Variants in NLRP11 observed in about 807,000 individuals in gnomAD.
NLRP11 encodes the protein NLR family pyrin domain containing 11, also known as NACHT, LRR and PYD domains-containing protein 11.
A neutral mutation model predicts 79.3 loss-of-function variants in NLRP11; 53 were observed. The ratio of observed to expected loss-of-function variants is 0.67; its 90% confidence interval spans 0.54 to 0.84. The LOEUF (loss-of-function observed/expected upper bound fraction) is 0.84, where lower values mean the gene tolerates loss of function less well. Ranked by LOEUF, NLRP11 falls within the 40% of genes least tolerant of loss-of-function variation. NLRP11 has a pLI of 0.00. For missense variants in NLRP11, 1,264 were observed against 1,255.0 expected, an observed-to-expected ratio of 1.01 and a Z score of -0.11; for synonymous variants, 518 against 462.6, an observed-to-expected ratio of 1.12 and a Z score of -1.54.
intron 1 of NLRP11, among the ~76,000 whole-genome samples, chr19:55,820,339 T>A (rs545670181): frequency 6.6e-6 from 1 of 151,922 alleles, no homozygotes; most frequent in Non-Finnish European, 1.5e-5. Flanking sequence ...TTTTAGGAAA[T>A]CATATACAAT....
intron 7 of NLRP11, among the ~76,000 whole-genome samples, chr19:55,789,827 A>T (rs150314451): frequency 6.6e-6 from 1 of 152,208 alleles, no homozygotes; most frequent in Non-Finnish European, 1.5e-5. Flanking sequence ...CATTCTTTCT[A>T]TAAAGAGGAT....
chr19:55,822,757 G>C (rs1329691462), intron 1 of NLRP11, among the ~76,000 whole-genome samples: 2 of 152,116 alleles, frequency 1.3e-5, no homozygotes, highest in Non-Finnish European at 2.9e-5. Context: ...GGCTCGGAGG[G>C]TCCTATGCCC....
chr19:55,802,829 C>T (rs1054127608), intron 4 of NLRP11, among the ~76,000 whole-genome samples: 2 of 152,076 alleles, frequency 1.3e-5, no homozygotes, highest in African/African-American at 4.8e-5. Context: ...CATAGACCAA[C>T]AGAACAGAAT....
chr19:55,823,168 G>A (rs558717524), intron 1 of NLRP11, among the ~76,000 whole-genome samples: 82 of 145,848 alleles, frequency 5.6e-4, no homozygotes, highest in African/African-American at 1.6e-3. Flanking sequence ...CACCTCACAC[G>A]GCAGGGTATT....
chr19:55,792,297 T>A lies in NLRP11; in HGVS notation c.2513+4A>T, dbSNP rs1978340303. 6.8e-6 allele frequency: 11 copies of A among 1,613,224 alleles called. No individual in the cohort carries two copies. Among genetic ancestry groups the A allele is most frequent in the Non-Finnish European group, 9.3e-6 (11 of 1,179,308 alleles). ...GTCATCCAGGACAACTGTGGGAGAC[T>A]TACTGAAGCTCCTCTAACTGACAGG... is the stretch of plus-strand genomic sequence containing the variant. On this transcript the variant is annotated splice_donor_region_variant and intron_variant, in intron 7 of 9. Transcript: ENST00000589093.
At chr19:55,793,400 C>T (rs570586697) in intron 6 of NLRP11, among the ~76,000 whole-genome samples, 1 of 151,616 alleles carries the variant, frequency 6.6e-6, no homozygotes, top group Non-Finnish European at 1.5e-5. Flanking sequence ...GAAACCCCGT[C>T]TCTGCTAAAA....
At chr19:55,796,097 G>A (rs773708457) in exon 6 of NLRP11, 7 of 1,613,282 alleles carry the variant, frequency 4.3e-6, no homozygotes, top group Admixed American at 3.3e-5. Context: ...ATATAAGAGT[G>A]CAGTTGGGAT....
chr19:55,832,838 G>C (rs1982919454), upstream of NLRP11: 1 of 152,052 alleles, frequency 6.6e-6, no homozygotes, highest in Admixed American at 6.6e-5. Flanking sequence ...TTTACAATAA[G>C]ATACAAGATA....
At chr19:55,801,650 C>T in exon 5 of NLRP11, 1 of 1,613,842 alleles carries the variant, frequency 6.2e-7, no homozygotes, top group African/African-American at 1.3e-5. Context: ...AATGGACGTA[C>T]AGTTGATACT....
At chr19:55,804,171 T>C (rs997776553) in intron 4 of NLRP11, among the ~76,000 whole-genome samples, 3 of 152,204 alleles carry the variant, frequency 2.0e-5, no homozygotes, top group African/African-American at 7.2e-5. Context: ...GGTGGGAGTG[T>C]AAATTAATTC....
At chr19:55,801,826 T>G in intron 4 of NLRP11, 87 bp from the exon 5 acceptor site, 1 of 1,092,332 alleles carries the variant, frequency 9.2e-7, no homozygotes, top group South Asian at 1.4e-5. Context: ...CTTCATCCTG[T>G]AACAAAGATT....
exon 3 of NLRP11, chr19:55,808,826 T>G (rs763644352): frequency 1.2e-6 from 2 of 1,613,872 alleles, no homozygotes; most frequent in African/African-American, 2.7e-5. Context: ...AACACTCAAC[T>G]TAAGTGTCCT....
At chr19:55,793,823 T>C (rs2122730565) in intron 6 of NLRP11, among the ~76,000 whole-genome samples, 1 of 152,278 alleles carries the variant, frequency 6.6e-6, no homozygotes, top group East Asian at 1.9e-4. Context: ...TACTAATGCG[T>C]GCTTATTTTA....
chr19:55,835,886 G>A (rs1983216606), upstream of NLRP11, among the ~76,000 whole-genome samples: 1 of 152,134 alleles, frequency 6.6e-6, no homozygotes, highest in Non-Finnish European at 1.5e-5. Context: ...CACTTCGGGA[G>A]GCCGAGGCGG....
At chr19:55,835,382 A>G (rs1365195212), upstream of NLRP11, among the ~76,000 whole-genome samples, 1 of 152,268 alleles carries the variant, frequency 6.6e-6, no homozygotes, top group East Asian at 1.9e-4. Context: ...GCCTACGCAG[A>G]AAGACAGTAG....
intron 4 of NLRP11, among the ~76,000 whole-genome samples, chr19:55,805,018 A>T (rs1979847487): frequency 0.022 from 1 of 46 alleles, no homozygotes; most frequent in African/African-American, 0.12. Flanking sequence ...AGCTGAGATC[A>T]CGCACTGCAC....
intron 1 of NLRP11, among the ~76,000 whole-genome samples, chr19:55,823,498 G>T (rs560746302): frequency 7.2e-6 from 1 of 137,950 alleles, no homozygotes; most frequent in South Asian, 2.2e-4. Flanking sequence ...CAAAGGCAAA[G>T]AAGTTGAAAA....
intron 6 of NLRP11, among the ~76,000 whole-genome samples, chr19:55,793,556 C>CCAAA (rs1978496397): frequency 2.8e-5 from 1 of 35,668 alleles, no homozygotes; most frequent in Non-Finnish European, 4.5e-5. Flanking sequence ...TGACTGTCTC[C>CCAAA]AAAAAAAAAA....
intron 2 of NLRP11, among the ~76,000 whole-genome samples, chr19:55,810,742 C>T (rs1003792998): frequency 6.6e-6 from 1 of 152,206 alleles, no homozygotes; most frequent in African/African-American, 2.4e-5. Flanking sequence ...AGGTGATCCA[C>T]CTGCCTTGGC....
Sources: gnomAD v4.1 joint callset for allele counts (sites outside exome capture counted in the v4.1 genomes callset) on GRCh38, gnomAD v4.1.1 for gene constraint, MANE v1.5 for transcripts, NCBI Gene and HGNC (gene_info 2026-07-23, HGNC 2026-07-21) for gene names.